The following TPRG1 variants were observed in gnomAD, a reference collection of about 807,000 sequenced individuals.
The protein encoded by TPRG1 is tumor protein p63-regulated gene 1 protein.
In TPRG1, 29 loss-of-function variants were observed where a neutral mutation model predicts 29.3. The observed-to-expected ratio is 0.99, with a 90% CI of 0.74 to 1.35. The LOEUF (loss-of-function observed/expected upper bound fraction) is 1.35. TPRG1 is among the 40% of genes most tolerant of loss of function. The pLI is 0.00. For synonymous variants in TPRG1, 130 were observed against 116.8 expected (o/e 1.11, Z -0.73); for missense variants, 327 against 335.0 (o/e 0.98, Z 0.19).
intron 3 of TPRG1, among the ~76,000 whole-genome samples, chr3:189,015,111 G>A (rs1328179425): frequency 6.6e-6 from 1 of 152,160 alleles, no homozygotes. Flanking sequence ...AGAAAGTCCA[G>A]GGCGAGGTGT....
At chr3:189,216,111 T>C (rs754993114) in intron 3 of TPRG1, among the ~76,000 whole-genome samples, 1 of 152,198 alleles carries the variant, frequency 6.6e-6, no homozygotes, top group Admixed American at 6.5e-5. Context: ...ATCCCTATAA[T>C]AAGAGAAAAG....
chr3:189,226,296 A>G (rs1737709857), intron 3 of TPRG1, among the ~76,000 whole-genome samples: 1 of 152,238 alleles, frequency 6.6e-6, no homozygotes, highest in South Asian at 2.1e-4. Flanking sequence ...AACCTCAACA[A>G]ATTTGAAAGA....
At chr3:189,024,031 G>C (rs967825119) in intron 4 of TPRG1, 5 of 152,366 alleles carry the variant, frequency 3.3e-5, no homozygotes, top group Admixed American at 2.0e-4. Context: ...CAGCTTTGCT[G>C]TGTTGGGGGA....
intron 5 of TPRG1, among the ~76,000 whole-genome samples, chr3:189,160,039 G>A (rs1476506747): frequency 6.6e-6 from 1 of 152,084 alleles, no homozygotes; most frequent in Non-Finnish European, 1.5e-5. Flanking sequence ...TTGTATGGTG[G>A]ATGGTGTGTG....
At chr3:189,184,223 A>T (rs527558570) in intron 1 of TPRG1, among the ~76,000 whole-genome samples, 87 of 152,154 alleles carry the variant, frequency 5.7e-4, no homozygotes, top group Non-Finnish European at 5.3e-4. Context: ...TCAGTCTCTT[A>T]ATCTGTCAAA....
intron 4 of TPRG1, among the ~76,000 whole-genome samples, chr3:189,262,314 C>G (rs1247491885): frequency 2.0e-5 from 3 of 151,656 alleles, no homozygotes; most frequent in African/African-American, 7.3e-5. Flanking sequence ...TGGGTTTTTT[C>G]TGGTGTGGGA....
chr3:189,101,092 A>C lies in TPRG1; in HGVS notation c.-744+888A>C, dbSNP rs374799525. On this transcript the variant is annotated intron_variant, in intron 1 of 6. Transcript: ENST00000412373. ...GGTCATTACAGCTCCTCTCTCACATACCTGCATCCATGTCCTGCTTTGATT... is the reference window on the plus strand; with the variant it reads ...GGTCATTACAGCTCCTCTCTCACATCCCTGCATCCATGTCCTGCTTTGATT... Among the ~76,000 whole-genome samples, 9 of 151,958 alleles carry C rather than the reference A, an allele frequency of 5.9e-5. No homozygotes were observed. The East Asian group carries it at 1.7e-3, about 29-fold the overall frequency.
chr3:189,206,794 C>T (rs1332030363), intron 1 of TPRG1, among the ~76,000 whole-genome samples: 1 of 121,278 alleles, frequency 8.2e-6, no homozygotes, highest in East Asian at 2.2e-4. Flanking sequence ...AGTCACCATG[C>T]CCAGCTGAAC....
At chr3:189,044,321 G>A (rs1013100910) in intron 4 of TPRG1, among the ~76,000 whole-genome samples, 3 of 152,118 alleles carry the variant, frequency 2.0e-5, no homozygotes, top group Non-Finnish European at 2.9e-5. Context: ...TTGGGAAGCC[G>A]AGGTGGGTGG....
exon 5 of TPRG1, chr3:189,150,798 A>T (rs1404669032): frequency 6.6e-6 from 1 of 152,174 alleles, no homozygotes; most frequent in African/African-American, 2.4e-5. Context: ...CTCTCCACGT[A>T]CTGTCTGGTA....
chr3:189,075,053 CACCT>C (rs1215766550), intron 4 of TPRG1, among the ~76,000 whole-genome samples: 1 of 152,022 alleles, frequency 6.6e-6, no homozygotes, highest in East Asian at 1.9e-4. Flanking sequence ...CCTCGTGATC[CACCT>C]ACCTCGGCCT....
At chr3:189,137,450 T>C (rs1723911990) in intron 3 of TPRG1, among the ~76,000 whole-genome samples, 2 of 152,050 alleles carry the variant, frequency 1.3e-5, no homozygotes, top group Admixed American at 6.6e-5. Flanking sequence ...AAAGAATTTT[T>C]CCCTCAAATC....
upstream of TPRG1, among the ~76,000 whole-genome samples, chr3:189,097,910 T>C (rs1284316251): frequency 6.6e-6 from 1 of 152,232 alleles, no homozygotes; most frequent in East Asian, 1.9e-4. Context: ...GTTTCTGTGT[T>C]TTCCCCCCTT....
intron 3 of TPRG1, among the ~76,000 whole-genome samples, chr3:189,218,280 A>G (rs1462183190): frequency 6.6e-6 from 1 of 151,554 alleles, no homozygotes; most frequent in African/African-American, 2.4e-5. Flanking sequence ...CACCCAGCTA[A>G]TTTTTTGTTT....
chr3:189,030,640 G>T (rs1232109356), intron 4 of TPRG1, among the ~76,000 whole-genome samples: 1 of 152,108 alleles, frequency 6.6e-6, no homozygotes. Context: ...AGGACAACAT[G>T]CCCTAGAAGT....
chr3:189,120,433 C>T (rs1318837152), intron 1 of TPRG1: 1 of 152,130 alleles, frequency 6.6e-6, no homozygotes, highest in Non-Finnish European at 1.5e-5. Context: ...ATATTTCATT[C>T]TCAGTAAGTT....
At chr3:189,026,910 G>GC (rs1713695632) in intron 4 of TPRG1, among the ~76,000 whole-genome samples, 1 of 152,144 alleles carries the variant, frequency 6.6e-6, no homozygotes, top group Admixed American at 6.5e-5. Context: ...CCACACCCAG[G>GC]CTGTCAGGTC....
intron 2 of TPRG1, among the ~76,000 whole-genome samples, chr3:189,208,531 T>C (rs1336084344): frequency 6.6e-6 from 1 of 152,196 alleles, no homozygotes; most frequent in Non-Finnish European, 1.5e-5. Context: ...TCAAAAGATA[T>C]CTTTGGTTTA....
chr3:189,190,822 C>A (rs1731580707), intron 1 of TPRG1: 2 of 249,666 alleles, frequency 8.0e-6, no homozygotes, highest in Non-Finnish European at 1.3e-5. Context: ...ATAATGAGTT[C>A]TTTCATTAAT....
Sources: allele counts gnomAD v4.1 joint callset (sites outside exome capture counted in the v4.1 genomes callset), GRCh38; gene constraint gnomAD v4.1.1; transcripts MANE v1.5; gene names NCBI Gene and HGNC (gene_info 2026-07-23, HGNC 2026-07-21).